ACAP1: variants seen among roughly 807,000 people sequenced by gnomAD.
The protein encoded by ACAP1 is arf-GAP with coiled-coil, ANK repeat and PH domain-containing protein 1.
In ACAP1, 45 loss-of-function variants were observed where a neutral mutation model predicts 98.8. The observed-to-expected ratio is 0.46, with a 90% confidence interval of 0.36 to 0.58. The LOEUF (loss-of-function observed/expected upper bound fraction) is 0.58, where lower values mean the gene tolerates loss of function less well. Ranked by LOEUF, ACAP1 falls within the 20% of genes least tolerant of loss-of-function variation. The pLI is 0.00. For synonymous variants in ACAP1, 362 were observed against 375.3 expected, an observed-to-expected ratio of 0.96 and a Z score of 0.41; for missense variants, 735 against 971.4, an observed-to-expected ratio of 0.76 and a Z score of 3.24.
intron 2 of ACAP1, 143 bp from the exon 3 acceptor site, chr17:7,341,804 TG>T: frequency 8.6e-7 from 1 of 1,165,436 alleles, no homozygotes; most frequent in African/African-American, 1.5e-5. Flanking sequence ...CAGGGAGAGC[TG>T]GATGAGCCTG....
At chr17:7,349,223 ACT>A in intron 18 of ACAP1, 56 bp downstream of exon 18, 2 of 1,589,010 alleles carry the variant, frequency 1.3e-6, no homozygotes, top group South Asian at 2.2e-5. Context: ...CCTACTCCTG[ACT>A]CTGGGCCCTG....
Position 7,344,666 on chromosome 17 carries a change from C to T in ACAP1, c.854+18C>T, listed in dbSNP as rs1202665349. The T allele has an allele frequency of 3.9e-6, 6 of 1,520,310 alleles. No homozygotes were observed. Among genetic ancestry groups the T allele is most frequent in the Middle Eastern group, 1.7e-4 (1 of 5,948 alleles). 94.2% of individuals were successfully genotyped at this position (1,520,310 alleles called of 1,614,324 possible). On this transcript the variant is annotated intron_variant, in intron 10 of 21. Transcript: ENST00000158762. The surrounding 1 kb of genome is among the most constrained non-coding windows in gnomAD (Gnocchi z 4.9). ...TGGAGCAGGTGAGGAGAGGACACCCCCAATCAGCCCGCCCCACCCAATGAT... is the reference window on the plus strand; with the variant it reads ...TGGAGCAGGTGAGGAGAGGACACCCTCAATCAGCCCGCCCCACCCAATGAT...
In ACAP1 at chr17:7,349,122, T is replaced by C. The variant is rs2073377556; in HGVS notation, c.1806T>C (p.Asn602=). ...LAHGADVNWV[N]GGQDNATPLI... ...ATGGAGCTGATGTCAACTGGGTCAA[T>C]GGGGGCCAAGATAATGCCACACCGC... The change falls in exon 18 of 22, where the codon AAT becomes AAC. Residue 602 remains asparagine (N), a synonymous_variant. Coordinates refer to ENST00000158762, the MANE Select transcript of ACAP1 (RefSeq NM_014716.4). The C allele has an allele frequency of 2.5e-6, 4 of 1,613,986 alleles. No individual in the cohort carries two copies. Among genetic ancestry groups the C allele is most frequent in the Non-Finnish European group, 3.4e-6 (4 of 1,180,002 alleles).
In ACAP1 at chr17:7,349,021, C is replaced by A. The variant is rs758166656; in HGVS notation, c.1705C>A (p.Leu569Met). 6.2e-7 allele frequency: 1 copy of A among 1,613,682 alleles called. No individual in the cohort carries two copies. Among genetic ancestry groups the A allele is most frequent in the Non-Finnish European group, 8.5e-7 (1 of 1,179,970 alleles). Residue 569 changes from leucine to methionine, a missense_variant, in exon 18 of 22, where the codon CTG (leucine) becomes ATG (methionine). By Grantham distance (15) the Leu-to-Met change is conservative. Around this residue, in one of 5 missense-constraint regions of ACAP1, gnomAD observed 80 missense variants for 64.4 expected, o/e 1.24. Coordinates refer to ENST00000158762, the MANE Select transcript of ACAP1 (RefSeq NM_014716.4). The part of the protein sequence containing the change: ...PEPPSEDLGS[L>M]HPGALLFRAS... ...GCCCCCCTCTGAGGACCTGGGAAGC[C>A]TGCACCCTGGGGCCCTACTGTTTCG...
intron 1 of ACAP1, 124 bp downstream of exon 1, chr17:7,336,911 G>A (rs2143015425): frequency 1.0e-6 from 1 of 969,602 alleles, no homozygotes; most frequent in South Asian, 1.4e-5. Flanking sequence ...GAGCGAGCCT[G>A]TGGGCCAAAG....
intron 11 of ACAP1, 32 bp downstream of exon 11, chr17:7,346,327 C>T (rs1333073720): frequency 6.2e-7 from 1 of 1,614,028 alleles, no homozygotes. Context: ...ATGCCTGGGC[C>T]CCAGGGAGAC....
In ACAP1 at chr17:7,344,730, G is replaced by A; in HGVS notation, c.854+82G>A. ...GTAATAGCACACTAAGCACTGCAAG[G>A]AAAAACAGACGAACCCCCCTGCCTC... On this transcript the variant is annotated intron_variant, in intron 10 of 21. Transcript: ENST00000158762. The surrounding 1 kb of genome is among the most constrained non-coding windows in gnomAD (Gnocchi z 4.9). 1 of 1,024,670 alleles carries A rather than the reference G, an allele frequency of 9.8e-7. No homozygotes were observed. Among genetic ancestry groups the A allele is most frequent in the Non-Finnish European group, 1.5e-6 (1 of 681,870 alleles). The allele number at this position is 1,024,670 out of a possible 1,614,324, so 63.5% of individuals were successfully genotyped here.
chr17:7,337,125 T>A, intron 1 of ACAP1, 187 bp from the exon 2 acceptor site: 1 of 674,046 alleles, frequency 1.5e-6, no homozygotes, highest in Non-Finnish European at 2.6e-6. Context: ...CCCTTCCTGC[T>A]CTGGCCTGGG....
In ACAP1 at chr17:7,337,367, A is replaced by C. The variant is rs2073231179; in HGVS notation, c.109A>C (p.Lys37Gln). 6.2e-7 allele frequency: 1 copy of C among 1,614,106 alleles called. No individual in the cohort carries two copies. Among genetic ancestry groups the C allele is most frequent in the Non-Finnish European group, 8.5e-7 (1 of 1,179,980 alleles). Residue 37 changes from lysine (K) to glutamine (Q), a missense_variant and splice_region_variant, in exon 2 of 22, where the codon AAG (lysine) becomes CAG (glutamine). Lys to Gln is a moderately conservative substitution (Grantham distance 53, BLOSUM62 1). This residue lies in a region of ACAP1 where 430 missense variants were observed against 531.8 expected (regional missense o/e 0.81). Coordinates refer to ENST00000158762, the MANE Select transcript of ACAP1 (RefSeq NM_014716.4). ...EVSELETRLEKLLKLGTGLLE... is the reference protein window; with the variant it reads ...EVSELETRLEQLLKLGTGLLE... ...GTCAGAATTGGAGACCCGTCTGGAAAAGGTGACCCTGACATGGAGAGGTGA... is the reference window on the plus strand; with the variant it reads ...GTCAGAATTGGAGACCCGTCTGGAACAGGTGACCCTGACATGGAGAGGTGA...
rs535169508 is a variant in ACAP1 at position 7,344,923 on chromosome 17, T to C, written c.854+275T>C. ...AAATAGTTGGGCAGTGTGGGCTTCA[T>C]GAGAAGGTAACTTTTGAACAAAGAC... On this transcript the variant is annotated intron_variant, in intron 10 of 21. Transcript: ENST00000158762. The surrounding 1 kb of genome is among the most constrained non-coding windows in gnomAD (Gnocchi z 4.9). Among the ~76,000 whole-genome samples, 8 of 152,070 alleles carry C rather than the reference T, an allele frequency of 5.3e-5. No individual in the cohort carries two copies. The highest frequency in any genetic ancestry group is 2.6e-4 in the Admixed American group (4 of 15,252).
intron 2 of ACAP1, among the ~76,000 whole-genome samples, chr17:7,337,586 G>T (rs1417976023): frequency 9.2e-5 from 14 of 152,204 alleles, no homozygotes; most frequent in Non-Finnish European, 7.3e-5. Flanking sequence ...AGGCATGGTA[G>T]CTCATGCCTG....
intron 10 of ACAP1, chr17:7,345,397 C>T (rs2073336562): frequency 6.6e-6 from 1 of 151,726 alleles, no homozygotes; most frequent in African/African-American, 2.4e-5. Flanking sequence ...AGTCTCGGCT[C>T]ACTGCAACCT....
chr17:7,346,262 G>A lies in ACAP1; in HGVS notation c.873G>A (p.Gln291=). The change falls in exon 11 of 22, where the codon CAG becomes CAA. Residue 291 remains glutamine, a synonymous_variant. Transcript: ENST00000158762. ...KTWSRRWFTI[Q]SNQLVYQKKY... is the part of the protein sequence containing the mutation. ...CTTACAGACGCTGGTTCACCATTCA[G>A]AGCAACCAACTGGTTTACCAGAAGA... 1 of 1,614,190 alleles carries A rather than the reference G, an allele frequency of 6.2e-7. No homozygotes were observed. Among genetic ancestry groups the A allele is most frequent in the South Asian group, 1.1e-5 (1 of 91,046 alleles).
Position 7,342,586 on chromosome 17 carries a change from C to T in ACAP1, c.344+112C>T, listed in dbSNP as rs573174315. ...TTGGACACCAACCTAGCCAACATGG[C>T]GAAACTGTCTCCACAAAAAATACAA... On this transcript the variant is annotated intron_variant, in intron 5 of 21. Coordinates refer to ENST00000158762, the MANE Select transcript of ACAP1 (RefSeq NM_014716.4). The T allele has an allele frequency of 5.8e-6, 7 of 1,197,912 alleles. No homozygotes were observed. In the East Asian group the frequency reaches 1.5e-4, roughly 25 times the overall value. The allele number at this position is 1,197,912 out of a possible 1,614,324, so 74.2% of individuals were successfully genotyped here. A position where few individuals can be genotyped will look rare whatever the true frequency, so the allele number is the denominator to read the frequency against.
chr17:7,349,367 T>A, intron 18 of ACAP1, 200 bp downstream of exon 18: 1 of 549,376 alleles, frequency 1.8e-6, no homozygotes. Flanking sequence ...GGCTCTCACC[T>A]CTTACAGGAG....
Position 7,343,503 on chromosome 17 carries a change from G to A in ACAP1, c.469G>A (p.Ala157Thr), listed in dbSNP as rs1473298807. ...RRAQEAEEAG[A>T]ALRTARAGYR... Reference sequence around the variant, plus strand: ...GGCCCAGGAGGCAGAAGAGGCAGGAGCTGCTTTGAGGACGGCTCGAGCTGG... The same window carrying A: ...GGCCCAGGAGGCAGAAGAGGCAGGAACTGCTTTGAGGACGGCTCGAGCTGG... Residue 157 changes from alanine (A) to threonine (T), a missense_variant, in exon 6 of 22, where the codon GCT (alanine) becomes ACT (threonine). Physicochemically the swap from Ala to Thr is moderately conservative, Grantham distance 58. Around this residue, in one of 5 missense-constraint regions of ACAP1, gnomAD observed 430 missense variants for 531.8 expected, o/e 0.81. Transcript: ENST00000158762. The surrounding 1 kb of genome is among the most constrained non-coding windows in gnomAD (Gnocchi z 4.9). 6.2e-7 allele frequency: 1 copy of A among 1,613,970 alleles called. No homozygotes were observed. Among genetic ancestry groups the A allele is most frequent in the Non-Finnish European group, 8.5e-7 (1 of 1,179,970 alleles).
At chr17:7,351,058 C>G in intron 21 of ACAP1, 59 bp downstream of exon 21, 1 of 1,503,654 alleles carries the variant, frequency 6.7e-7, no homozygotes, top group Non-Finnish European at 9.3e-7. Flanking sequence ...GGCTTCTGGT[C>G]CACGGTGACC....
intron 18 of ACAP1, chr17:7,349,414 C>T (rs1183184219): frequency 9.4e-6 from 4 of 426,210 alleles, no homozygotes; most frequent in East Asian, 4.1e-5. Context: ...CTCGCTCTGT[C>T]CCCCAGGCTG....
At position 7,351,380 on chromosome 17, in the gene ACAP1, C is replaced by T. The variant is rs780081409; in HGVS notation, c.2208C>T (p.Asp736=). The T allele has an allele frequency of 8.7e-6, 14 of 1,612,920 alleles. No individual in the cohort carries two copies. The highest frequency in any genetic ancestry group is 1.2e-5 in the Non-Finnish European group (14 of 1,179,434). ...AGAAGCTGAGCCGTCGCAGTCATGACCTCCACACGCTGTGACCCGAGGCCC... is the reference window on the plus strand; with the variant it reads ...AGAAGCTGAGCCGTCGCAGTCATGATCTCCACACGCTGTGACCCGAGGCCC... ...DPEKLSRRSH[D]LHTL Residue 736 remains aspartate (D), a synonymous_variant, in exon 22 of 22, where the codon GAC becomes GAT. Transcript: ENST00000158762.
Sources: allele counts gnomAD v4.1 joint callset (sites outside exome capture counted in the v4.1 genomes callset), GRCh38; gene constraint gnomAD v4.1.1; regional missense constraint gnomAD v4.1.1; non-coding constraint Gnocchi (gnomAD v3.1); transcripts MANE v1.5; gene names NCBI Gene and HGNC (gene_info 2026-07-23, HGNC 2026-07-21).